The following ABCB1 variants were observed in gnomAD, a reference collection of about 807,000 sequenced individuals.
ABCB1 encodes ATP-dependent translocase ABCB1.
ABCB1 carries 69 observed loss-of-function variants against 142.0 expected under a neutral mutation model. That is an observed-to-expected ratio of 0.49 (90% CI 0.40 to 0.59). ABCB1 has a LOEUF of 0.59. Ranked by LOEUF, ABCB1 falls within the 20% of genes least tolerant of loss-of-function variation. The pLI is 0.00. For missense variants in ABCB1, 1,326 were observed against 1,554.7 expected (o/e 0.85, Z 2.47); for synonymous variants, 532 against 539.2 (o/e 0.99, Z 0.18).
intron 17 of ABCB1, among the ~76,000 whole-genome samples, chr7:87,543,795 T>C (rs1816650353): frequency 6.6e-6 from 1 of 152,194 alleles, no homozygotes; most frequent in South Asian, 2.1e-4. Context: ...GAACTCTCTT[T>C]GCACATTGGT....
At chr7:87,532,059 T>C (rs1054540342) in intron 20 of ABCB1, among the ~76,000 whole-genome samples, 1 of 152,200 alleles carries the variant, frequency 6.6e-6, no homozygotes, top group Admixed American at 6.5e-5. Context: ...TAGTGTGCAC[T>C]GAGTTCCAGC....
intron 17 of ABCB1, among the ~76,000 whole-genome samples, chr7:87,543,512 G>A (rs1214845276): frequency 6.6e-6 from 1 of 152,068 alleles, no homozygotes; most frequent in East Asian, 1.9e-4. Context: ...TATGGCAAGG[G>A]TGTCCTCAGC....
intron 1 of ABCB1, among the ~76,000 whole-genome samples, chr7:87,656,201 T>C (rs1056372884): frequency 3.3e-5 from 5 of 152,162 alleles, no homozygotes; most frequent in African/African-American, 9.6e-5. Context: ...TTCCATGATA[T>C]ATACAAATTT....
intron 1 of ABCB1, among the ~76,000 whole-genome samples, chr7:87,698,162 C>T (rs901709115): frequency 5.9e-5 from 9 of 152,154 alleles, no homozygotes; most frequent in African/African-American, 2.2e-4. Context: ...TGCAGTGGCA[C>T]GATCTCGGCT....
At chr7:87,534,947 T>C (rs1053090183) in intron 20 of ABCB1, among the ~76,000 whole-genome samples, 4 of 147,308 alleles carry the variant, frequency 2.7e-5, no homozygotes, top group African/African-American at 1.0e-4. Flanking sequence ...AAAACTCCAT[T>C]TTTTTTTCCA....
At chr7:87,651,222 G>T (rs116078548) in intron 1 of ABCB1, among the ~76,000 whole-genome samples, 58 of 152,150 alleles carry the variant, frequency 3.8e-4, no homozygotes, top group African/African-American at 1.3e-3. Context: ...GCATCCCAAA[G>T]GTTACTAGAT....
At chr7:87,516,731 C>CATTTTTTTTTTTTTTTTTTTT (rs1815266820) in intron 23 of ABCB1, 66 bp from the exon 24 acceptor site, 1 of 642,604 alleles carries the variant, frequency 1.6e-6, no homozygotes, top group African/African-American at 3.6e-5. Flanking sequence ...GCTGACACTC[C>CATTTTTTTTTTTTTTTTTTTT]TTTTTTTTTT....
chr7:87,659,650 T>C (rs570900982), intron 1 of ABCB1, among the ~76,000 whole-genome samples: 1 of 152,272 alleles, frequency 6.6e-6, no homozygotes, highest in South Asian at 2.1e-4. Context: ...ATAGTGTAGA[T>C]ACAGTTTGCT....
intron 4 of ABCB1, among the ~76,000 whole-genome samples, chr7:87,580,145 T>C (rs894139656): frequency 5.9e-5 from 9 of 152,304 alleles, no homozygotes; most frequent in East Asian, 1.9e-4. Flanking sequence ...CCAGTGAGTT[T>C]TGTACCTTCA....
chr7:87,536,793 A>G (rs1290062823), intron 19 of ABCB1, among the ~76,000 whole-genome samples: 1 of 152,234 alleles, frequency 6.6e-6, no homozygotes, highest in Admixed American at 6.5e-5. Context: ...GTACGAACAA[A>G]AAAGACAAAG....
intron 1 of ABCB1, among the ~76,000 whole-genome samples, chr7:87,647,006 T>C (rs1247601724): frequency 2.0e-5 from 3 of 152,216 alleles, no homozygotes; most frequent in Non-Finnish European, 4.4e-5. Flanking sequence ...TACTATGTAG[T>C]TGAACATTAA....
chr7:87,643,184 G>C (rs1412367889), intron 1 of ABCB1, among the ~76,000 whole-genome samples: 1 of 152,148 alleles, frequency 6.6e-6, no homozygotes, highest in Non-Finnish European at 1.5e-5. Context: ...TGGGATTACA[G>C]GTGTGAGCCA....
At chr7:87,593,887 T>A (rs1318936081) in intron 3 of ABCB1, among the ~76,000 whole-genome samples, 1 of 152,186 alleles carries the variant, frequency 6.6e-6, no homozygotes, top group Non-Finnish European at 1.5e-5. Context: ...CATGGCTGAT[T>A]TTGCCTTGTA....
intron 1 of ABCB1, among the ~76,000 whole-genome samples, chr7:87,637,390 T>G (rs1821888039): frequency 6.6e-6 from 1 of 152,152 alleles, no homozygotes; most frequent in Non-Finnish European, 1.5e-5. Flanking sequence ...AAGATTATCT[T>G]GGCTATTCTT....
In ABCB1 at chr7:87,609,299, G is replaced by C. The variant is rs28381782; in HGVS notation, c.-330-8221C>G. Among the ~76,000 whole-genome samples the C allele has an allele frequency of 6.6e-3, 1,005 of 152,184 alleles. 10 individuals carry two copies. Among genetic ancestry groups the C allele is most frequent in the East Asian group, 0.049 (256 of 5,180 alleles). ...TGCCATGAATATATTGGAGATCCTC[G>C]AATACTAATAATTTTAAGGTTATTT... On this transcript the variant is annotated intron_variant, in intron 1 of 28. Coordinates refer to the ABCB1 transcript ENST00000265724.
chr7:87,525,455 C>T (rs567030784), intron 21 of ABCB1, among the ~76,000 whole-genome samples: 1 of 152,132 alleles, frequency 6.6e-6, no homozygotes, highest in South Asian at 2.1e-4. Context: ...TTCTGACTCC[C>T]CAGAAACTTA....
chr7:87,674,023 ACTGGTAC>A (rs758514438), intron 1 of ABCB1, among the ~76,000 whole-genome samples: 3 of 152,146 alleles, frequency 2.0e-5, no homozygotes, highest in Non-Finnish European at 4.4e-5. Context: ...ACTCTGGGGA[ACTGGTAC>A]CTGGCCCCTG....
chr7:87,646,877 C>G (rs1362007551), intron 1 of ABCB1, among the ~76,000 whole-genome samples: 1 of 152,142 alleles, frequency 6.6e-6, no homozygotes, highest in African/African-American at 2.4e-5. Flanking sequence ...TGGCATTTGT[C>G]TAACTTGACT....
At chr7:87,549,200 A>G in intron 14 of ABCB1, 148 bp downstream of exon 14, 1 of 812,318 alleles carries the variant, frequency 1.2e-6, no homozygotes, top group Non-Finnish European at 1.9e-6. Flanking sequence ...AAGATTTCAA[A>G]GAGGCCCAAT....
Sources: allele counts gnomAD v4.1 joint callset (sites outside exome capture counted in the v4.1 genomes callset), GRCh38; gene constraint gnomAD v4.1.1; transcripts MANE v1.5; gene names NCBI Gene and HGNC (gene_info 2026-07-23, HGNC 2026-07-21).